The following AATF variants were observed in gnomAD, a reference collection of about 807,000 sequenced individuals.
AATF encodes protein AATF.
Under a neutral mutation model 63.7 loss-of-function variants are expected in AATF, and 48 were observed. The ratio of observed to expected loss-of-function variants is 0.75; its 90% CI spans 0.60 to 0.96. The LOEUF (loss-of-function observed/expected upper bound fraction) is 0.96, where lower values mean the gene tolerates loss of function less well. Ranked by LOEUF, AATF falls within the 40% of genes least tolerant of loss-of-function variation. The pLI is 0.00. For missense variants in AATF, 639 were observed against 685.7 expected (o/e 0.93, Z 0.76); for synonymous variants, 258 against 247.7 (o/e 1.04, Z -0.39).
intron 10 of AATF, 26 bp downstream of exon 10, chr17:37,021,040 C>G: frequency 6.4e-7 from 1 of 1,563,476 alleles, no homozygotes; most frequent in Non-Finnish European, 8.8e-7. Flanking sequence ...GAAAAAATGT[C>G]AACATATATT....
At chr17:37,017,679 GTAA>G (rs774727085) in intron 8 of AATF, among the ~76,000 whole-genome samples, 15 of 152,278 alleles carry the variant, frequency 9.9e-5, no homozygotes, top group South Asian at 6.2e-4. Context: ...AATTGCTGTA[GTAA>G]TAATGTCCAA....
chr17:36,963,723 CTTGAT>C (rs757412389), intron 4 of AATF, among the ~76,000 whole-genome samples: 17 of 152,236 alleles, frequency 1.1e-4, no homozygotes, highest in Admixed American at 7.2e-4. Context: ...ATATCTCTGT[CTTGAT>C]TTATTTATTC....
chr17:37,014,267 GTAA>G (rs71368437), intron 8 of AATF, among the ~76,000 whole-genome samples: 18,365 of 144,924 alleles, frequency 0.13, 1,255 homozygotes, highest in Non-Finnish European at 0.16. Flanking sequence ...GACTGTCTTA[GTAA>G]TAATAATAAT....
intron 11 of AATF, among the ~76,000 whole-genome samples, chr17:37,036,597 A>T (rs1567992658): frequency 1.3e-5 from 2 of 151,344 alleles, no homozygotes; most frequent in African/African-American, 4.9e-5. Context: ...CAAGCGATCT[A>T]TTTTTTTAAA....
chr17:37,048,774 G>A (rs543501819), intron 11 of AATF, among the ~76,000 whole-genome samples: 1 of 152,294 alleles, frequency 6.6e-6, no homozygotes, highest in South Asian at 2.1e-4. Context: ...CAGGGCGATT[G>A]CCTGCCATTT....
At position 36,999,596 on chromosome 17, in the gene AATF, G is replaced by A. The variant is rs550965141; in HGVS notation, c.1398+8739G>A. Among the ~76,000 whole-genome samples, 17 of 152,296 alleles carry A rather than the reference G, an allele frequency of 1.1e-4. No individual in the cohort carries two copies. The East Asian group carries it at 1.2e-3, about 10-fold the overall frequency. On this transcript the variant is annotated intron_variant, in intron 8 of 11. Coordinates refer to ENST00000619387, the MANE Select transcript of AATF (RefSeq NM_012138.4). The stretch of plus-strand genomic sequence containing the variant: ...AAACAAAGTTCCTGCCCTCATGAGC[G>A]TTCATTCTAGCTTAGAGGTAGGATG...
chr17:36,962,860 G>T (rs1367607967), intron 4 of AATF, among the ~76,000 whole-genome samples: 3 of 152,204 alleles, frequency 2.0e-5, no homozygotes, highest in East Asian at 3.8e-4. Context: ...TGTGGCTCAT[G>T]CCTGTAATCC....
chr17:37,005,266 A>G (rs752956024), intron 8 of AATF, among the ~76,000 whole-genome samples: 11 of 152,196 alleles, frequency 7.2e-5, no homozygotes, highest in Non-Finnish European at 1.5e-4. Flanking sequence ...ACAAAAGGAT[A>G]GCTTGCAGGG....
intron 2 of AATF, 119 bp from the exon 3 acceptor site, chr17:36,952,767 G>A: frequency 6.8e-7 from 1 of 1,461,948 alleles, no homozygotes; most frequent in South Asian, 1.5e-5. Flanking sequence ...TTGTTGAATT[G>A]AGTGCAGTAA....
chr17:36,963,546 G>A (rs9899037), intron 4 of AATF, among the ~76,000 whole-genome samples: 7,197 of 152,230 alleles, frequency 0.047, 456 homozygotes, highest in African/African-American at 0.15. Flanking sequence ...TGCTGCATAA[G>A]ATGATACTCT....
chr17:36,952,927 T>G lies in AATF; in HGVS notation c.325T>G (p.Ser109Ala). The change falls in exon 3 of 12, where the codon TCA (serine) becomes GCA (alanine). Residue 109 changes from serine to alanine, a missense_variant. Coordinates refer to ENST00000619387, the MANE Select transcript of AATF (RefSeq NM_012138.4). ...TGAGGAAGGGTCTGGAGATGAAGAT[T>G]CAGAGGGACTGGGTCTGGAGGAATA... ...SDEEGSGDED[S>A]EGLGLEEYDE... 1.9e-6 allele frequency: 3 copies of G among 1,614,138 alleles called. No individual in the cohort carries two copies. Among genetic ancestry groups the G allele is most frequent in the Non-Finnish European group, 2.5e-6 (3 of 1,180,038 alleles).
chr17:36,989,269 C>G lies in AATF; in HGVS notation c.1172C>G (p.Ser391Ter). The change falls in exon 7 of 12, where the codon TCA becomes TGA. Residue 391 changes from serine to a stop codon, truncating the protein, a stop_gained. Transcript: ENST00000619387. LOFTEE classifies it high-confidence loss of function. The part of the protein sequence containing the change: ...LGKGFGAFER[S>*]ILTQIDHILM... ...CAGGGTTTTGGTGCCTTTGAACGCT[C>G]AATCTTGACTCAGATCGACCATATT... 1 of 1,612,668 alleles carries G rather than the reference C, an allele frequency of 6.2e-7. No individual in the cohort carries two copies.
At chr17:37,048,754 C>A (rs994493667) in intron 11 of AATF, among the ~76,000 whole-genome samples, 5 of 152,268 alleles carry the variant, frequency 3.3e-5, no homozygotes, top group African/African-American at 1.2e-4. Context: ...CCACACAGCC[C>A]CAAAGAGCAC....
chr17:37,036,875 C>T (rs1306535869), intron 11 of AATF, among the ~76,000 whole-genome samples: 1 of 152,088 alleles, frequency 6.6e-6, no homozygotes, highest in Non-Finnish European at 1.5e-5. Flanking sequence ...AAAGAAAGCC[C>T]AATTTGTCCG....
chr17:37,021,046 A>G (rs2071466013), intron 10 of AATF, 32 bp downstream of exon 10: 2 of 1,515,114 alleles, frequency 1.3e-6, no homozygotes, highest in African/African-American at 2.8e-5. Context: ...ATGTCAACAT[A>G]TATTGTATAT....
At chr17:37,035,992 T>C (rs557636109) in intron 11 of AATF, among the ~76,000 whole-genome samples, 48 of 152,256 alleles carry the variant, frequency 3.2e-4, no homozygotes, top group African/African-American at 1.1e-3. Flanking sequence ...GGTGCAATCA[T>C]AGCTCCCTGC....
chr17:37,006,213 TA>T (rs2071340421), intron 8 of AATF, among the ~76,000 whole-genome samples: 1 of 152,166 alleles, frequency 6.6e-6, no homozygotes, highest in Admixed American at 6.5e-5. Context: ...CTCTTCCCTG[TA>T]ATCCCAGCAC....
chr17:37,044,602 C>T (rs2071673779), intron 11 of AATF, among the ~76,000 whole-genome samples: 2 of 152,122 alleles, frequency 1.3e-5, no homozygotes. Context: ...GTTTTCTGTG[C>T]TATTTAAACC....
intron 4 of AATF, among the ~76,000 whole-genome samples, chr17:36,957,346 T>C (rs1279595050): frequency 6.6e-6 from 1 of 152,192 alleles, no homozygotes; most frequent in Non-Finnish European, 1.5e-5. Flanking sequence ...GGTACTAATA[T>C]TATCTTTTTC....
Sources: gnomAD v4.1 joint callset for allele counts (sites outside exome capture counted in the v4.1 genomes callset) on GRCh38, gnomAD v4.1.1 for gene constraint, MANE v1.5 for transcripts, NCBI Gene and HGNC (gene_info 2026-07-23, HGNC 2026-07-21) for gene names.